The following KSR2 variants were observed in gnomAD, a reference collection of about 807,000 sequenced individuals.
KSR2 encodes the protein kinase suppressor of ras 2.
A neutral mutation model predicts 107.8 loss-of-function variants in KSR2; 25 were observed. The observed-to-expected ratio is 0.23, with a 90% CI of 0.17 to 0.32. KSR2 has a LOEUF of 0.32. Among genes scored for constraint, KSR2 ranks in the 10% least tolerant of loss-of-function variants. The pLI, the probability that KSR2 is intolerant of heterozygous loss-of-function variation, is 1.00. For missense variants in KSR2, 887 were observed against 1,268.9 expected (o/e 0.70, Z 4.57); for synonymous variants, 480 against 507.0 (o/e 0.95, Z 0.71).
intron 5 of KSR2, among the ~76,000 whole-genome samples, chr12:117,636,491 G>A (rs1334270553): frequency 2.0e-5 from 3 of 152,020 alleles, no homozygotes; most frequent in African/African-American, 7.2e-5. Flanking sequence ...GAACAGAATA[G>A]GGAGTACAGA....
rs75734389 is a variant in KSR2 at position 117,930,433 on chromosome 12, A to C, written c.180+37643T>G. Among the ~76,000 whole-genome samples, 1,477 of 152,220 alleles carry C rather than the reference A, an allele frequency of 9.7e-3. 23 individuals are homozygous for C. The highest frequency in any genetic ancestry group is 0.034 in the African/African-American group (1,394 of 41,530). ...CTTTAATATGCACAGAAATCACCCA[A>C]TTTTATTAAAATGTAATTCCATGAG... On this transcript the variant is annotated intron_variant, in intron 1 of 19. Transcript: ENST00000339824.
intron 16 of KSR2, among the ~76,000 whole-genome samples, chr12:117,477,239 G>A (rs1163289213): frequency 1.3e-5 from 2 of 152,174 alleles, no homozygotes; most frequent in Non-Finnish European, 1.5e-5. Context: ...ACATCCTCCT[G>A]TTTGACCTAA....
intron 5 of KSR2, among the ~76,000 whole-genome samples, chr12:117,622,606 C>T (rs1391707371): frequency 3.3e-5 from 5 of 152,094 alleles, no homozygotes; most frequent in Non-Finnish European, 5.9e-5. Context: ...ATCTAACCCA[C>T]ACTGGTTGGA....
chr12:117,620,185 G>A (rs1882111272), intron 5 of KSR2, among the ~76,000 whole-genome samples: 1 of 152,110 alleles, frequency 6.6e-6, no homozygotes, highest in Admixed American at 6.6e-5. Context: ...TGAAAGATAA[G>A]GACACCAAGA....
chr12:117,760,268 T>G (rs895844300), intron 4 of KSR2, among the ~76,000 whole-genome samples: 1 of 152,206 alleles, frequency 6.6e-6, no homozygotes, highest in Non-Finnish European at 1.5e-5. Context: ...AGTCTCACCC[T>G]ACATCACACA....
At chr12:117,666,290 T>C (rs969219955) in intron 5 of KSR2, among the ~76,000 whole-genome samples, 2 of 152,188 alleles carry the variant, frequency 1.3e-5, no homozygotes, top group African/African-American at 2.4e-5. Flanking sequence ...ATATTACATG[T>C]ACCTGCCTTT....
At chr12:117,926,423 T>C (rs1188562342) in intron 1 of KSR2, among the ~76,000 whole-genome samples, 1 of 152,206 alleles carries the variant, frequency 6.6e-6, no homozygotes, top group Non-Finnish European at 1.5e-5. Context: ...CTAATTAGCA[T>C]CTCTCAATTA....
At position 117,555,228 on chromosome 12, in the gene KSR2, G is replaced by T; in HGVS notation, c.1459C>A (p.Pro487Thr). 6.2e-7 allele frequency: 1 copy of T among 1,613,888 alleles called. No individual in the cohort carries two copies. Reference sequence around the variant, plus strand: ...CTGATGTGCAGGTCTGAATAGCGAGGTGGCTTCCGTAGAGGGTTGTTGATG... The same window carrying T: ...CTGATGTGCAGGTCTGAATAGCGAGTTGGCTTCCGTAGAGGGTTGTTGATG... ...CDINNPLRKP[P>T]RYSDLHISQT... Residue 487 changes from proline (P) to threonine (T), a missense_variant, in exon 9 of 20, where the codon CCT (proline) becomes ACT (threonine). This residue lies in a region of KSR2 where 60 missense variants were observed against 77.5 expected (regional missense o/e 0.77). Coordinates refer to ENST00000339824, the MANE Select transcript of KSR2 (RefSeq NM_173598.6).
chr12:117,857,028 A>G (rs1452910943), intron 2 of KSR2, among the ~76,000 whole-genome samples: 1 of 152,116 alleles, frequency 6.6e-6, no homozygotes, highest in East Asian at 1.9e-4. Flanking sequence ...CCTTTAAGAA[A>G]GGTGATGACC....
chr12:117,755,621 C>T (rs1888762925), intron 4 of KSR2, among the ~76,000 whole-genome samples: 1 of 152,166 alleles, frequency 6.6e-6, no homozygotes, highest in Non-Finnish European at 1.5e-5. Context: ...TGAAACACAA[C>T]AATATTGAAA....
intron 2 of KSR2, among the ~76,000 whole-genome samples, chr12:117,858,663 G>A (rs1008961949): frequency 5.3e-5 from 8 of 152,202 alleles, no homozygotes; most frequent in African/African-American, 1.9e-4. Context: ...CCAGCTCTGG[G>A]GGGACCCAGG....
intron 4 of KSR2, among the ~76,000 whole-genome samples, chr12:117,681,386 C>G (rs1319312498): frequency 6.6e-6 from 1 of 151,884 alleles, no homozygotes; most frequent in Non-Finnish European, 1.5e-5. Context: ...TTGGCTGAGA[C>G]CTGAATGTCA....
chr12:117,490,829 T>C (rs1363467183), intron 14 of KSR2, among the ~76,000 whole-genome samples: 1 of 152,244 alleles, frequency 6.6e-6, no homozygotes, highest in Non-Finnish European at 1.5e-5. Context: ...GTAAAAATTG[T>C]ACATATTTAT....
intron 4 of KSR2, chr12:117,677,354 T>C (rs1885176624): frequency 6.6e-6 from 1 of 152,000 alleles, no homozygotes; most frequent in Non-Finnish European, 1.5e-5. Context: ...TCCAATAGGA[T>C]TGGTGTCTTT....
intron 16 of KSR2, among the ~76,000 whole-genome samples, chr12:117,478,259 AT>A (rs1871920953): frequency 6.6e-6 from 1 of 152,140 alleles, no homozygotes; most frequent in Non-Finnish European, 1.5e-5. Flanking sequence ...TCCCATAATC[AT>A]GATTTTTGCC....
Position 117,462,008 on chromosome 12 carries a change from C to T in KSR2, c.*5191G>A, listed in dbSNP as rs1057386801. The T allele has an allele frequency of 2.0e-5, 3 of 152,152 alleles. No individual in the cohort carries two copies. The highest frequency in any genetic ancestry group is 4.8e-5 in the African/African-American group (2 of 41,426). 9.4% of individuals were successfully genotyped at this position (152,152 alleles called of 1,614,324 possible). A position where few individuals can be genotyped will look rare whatever the true frequency, so the allele number is the denominator to read the frequency against. On this transcript the variant is annotated 3_prime_UTR_variant, in exon 20 of 20. Transcript: ENST00000339824. ...CCGCTACAGACAAGCCACTTACACA[C>T]AGGCTGTTCCCATACAGCCACAGAA...
intron 14 of KSR2, among the ~76,000 whole-genome samples, chr12:117,512,552 T>C (rs1318014923): frequency 6.6e-6 from 1 of 152,164 alleles, no homozygotes; most frequent in Non-Finnish European, 1.5e-5. Context: ...GCAATCTGTA[T>C]TTTCAAAAGC....
chr12:117,716,935 G>A (rs1449033460), intron 4 of KSR2, among the ~76,000 whole-genome samples: 1 of 152,172 alleles, frequency 6.6e-6, no homozygotes, highest in Admixed American at 6.5e-5. Flanking sequence ...CTCCCACGCT[G>A]GCTCCTGGAT....
chr12:117,887,064 C>T (rs1326335369), intron 1 of KSR2, among the ~76,000 whole-genome samples: 4 of 151,872 alleles, frequency 2.6e-5, no homozygotes, highest in Non-Finnish European at 4.4e-5. Context: ...GTTGGGACTA[C>T]GGGCGCTCAT....
Sources: allele counts gnomAD v4.1 joint callset (sites outside exome capture counted in the v4.1 genomes callset), GRCh38; gene constraint gnomAD v4.1.1; regional missense constraint gnomAD v4.1.1; transcripts MANE v1.5; gene names NCBI Gene and HGNC (gene_info 2026-07-23, HGNC 2026-07-21).